RUNX1: variants seen among roughly 807,000 people sequenced by gnomAD.
RUNX1 encodes RUNX family transcription factor 1, also known as runt-related transcription factor 1.
In RUNX1, 19 loss-of-function variants were observed where a neutral mutation model predicts 42.8. That is an observed-to-expected ratio of 0.44 (90% CI 0.31 to 0.65). RUNX1 has a LOEUF of 0.65. Ranked by LOEUF, RUNX1 falls within the 30% of genes least tolerant of loss-of-function variation. The pLI, the probability that RUNX1 is intolerant of heterozygous loss-of-function variation, is 0.07. For missense variants in RUNX1, 528 were observed against 672.0 expected (o/e 0.79, Z 2.37); for synonymous variants, 271 against 289.4 (o/e 0.94, Z 0.64).
intron 6 of RUNX1, among the ~76,000 whole-genome samples, chr21:34,849,383 A>G (rs1287178783): frequency 2.6e-5 from 1 of 39,208 alleles, no homozygotes; most frequent in East Asian, 1.2e-3. Flanking sequence ...CTATATACAT[A>G]GTATATATAA....
chr21:34,792,257 G>T lies in RUNX1; in HGVS notation c.1321C>A (p.Leu441Met), dbSNP rs1356974105. The change falls in exon 9 of 9, where the codon CTG (leucine) becomes ATG (methionine). Residue 441 changes from leucine (L) to methionine (M), a missense_variant. Coordinates refer to ENST00000675419, the MANE Select transcript of RUNX1 (RefSeq NM_001754.5). This position sits in a 1 kb window ranked among gnomAD's most constrained non-coding sequence, Gnocchi z 6.9. ...TGGTTCGGGAGGCTGGGGTTGAGCA[G>T]CGCGGAGCCGGTGGAGGCGTTGGTG... ...PCTNASTGSA[L>M]LNPSLPNQSD... 1 of 1,538,204 alleles carries T rather than the reference G, an allele frequency of 6.5e-7. No homozygotes were observed. The highest frequency in any genetic ancestry group is 1.2e-5 in the South Asian group (1 of 84,086).
At chr21:35,006,326 C>T (rs2059084490) in intron 2 of RUNX1, among the ~76,000 whole-genome samples, 1 of 152,190 alleles carries the variant, frequency 6.6e-6, no homozygotes, top group African/African-American at 2.4e-5. Context: ...AGGAGGCAAA[C>T]TGAACTAAAT....
At chr21:34,796,059 T>C (rs2056523648) in intron 8 of RUNX1, among the ~76,000 whole-genome samples, 1 of 152,230 alleles carries the variant, frequency 6.6e-6, no homozygotes, top group South Asian at 2.1e-4. Flanking sequence ...TACTACATGG[T>C]AATGTGGTGA....
intron 6 of RUNX1, 84 bp from the exon 7 acceptor site, chr21:34,834,685 A>C: frequency 8.1e-7 from 1 of 1,235,856 alleles, no homozygotes; most frequent in Non-Finnish European, 1.2e-6. Flanking sequence ...TGGATTTCCT[A>C]AAACTGGGGC....
At chr21:34,891,246 C>G (rs2058077887) in intron 3 of RUNX1, among the ~76,000 whole-genome samples, 1 of 152,112 alleles carries the variant, frequency 6.6e-6, no homozygotes, top group African/African-American at 2.4e-5. Flanking sequence ...GGGAGCTGCT[C>G]AGCTAGGAGT....
intron 2 of RUNX1, among the ~76,000 whole-genome samples, chr21:34,929,358 T>G (rs1216793126): frequency 6.6e-6 from 1 of 152,184 alleles, no homozygotes; most frequent in Non-Finnish European, 1.5e-5. Flanking sequence ...TTTGATAATT[T>G]GACTCATTAT....
chr21:34,837,078 A>C (rs547147569), intron 6 of RUNX1, among the ~76,000 whole-genome samples: 1 of 152,362 alleles, frequency 6.6e-6, no homozygotes, highest in African/African-American at 2.4e-5. Flanking sequence ...AGCAATTTCT[A>C]TACCAGCTGA....
At chr21:35,016,739 G>T (rs1280225997) in intron 2 of RUNX1, among the ~76,000 whole-genome samples, 1 of 152,018 alleles carries the variant, frequency 6.6e-6, no homozygotes, top group Non-Finnish European at 1.5e-5. Context: ...GGAATGCTGG[G>T]GACCTCTTAG....
At chr21:35,027,317 C>T (rs1011339634) in intron 2 of RUNX1, among the ~76,000 whole-genome samples, 6 of 152,302 alleles carry the variant, frequency 3.9e-5, no homozygotes, top group South Asian at 2.1e-4. Flanking sequence ...AGGCCAATCA[C>T]GGGGCTCTTG....
chr21:34,792,084 C>T lies in RUNX1; in HGVS notation c.*51G>A. 1.7e-6 allele frequency: 2 copies of T among 1,194,848 alleles called. No individual in the cohort carries two copies. Among genetic ancestry groups the T allele is most frequent in the Non-Finnish European group, 2.1e-6 (2 of 930,374 alleles). The allele number at this position is 1,194,848 out of a possible 1,614,324, so 74.0% of individuals were successfully genotyped here. A position where few individuals can be genotyped will look rare whatever the true frequency, so the allele number is the denominator to read the frequency against. ...GTCGCGAACAGGAGGCCCGCGCGCC[C>T]GGAGGCGAAGGCGGCGGCCCGCGGG... On this transcript the variant is annotated 3_prime_UTR_variant, in exon 9 of 9. Coordinates refer to ENST00000675419, the MANE Select transcript of RUNX1 (RefSeq NM_001754.5). This position sits in a 1 kb window ranked among gnomAD's most constrained non-coding sequence, Gnocchi z 6.9.
rs542037507 is a variant in RUNX1, at chr21:34,904,824, G to A, written c.59-11861C>T. On this transcript the variant is annotated intron_variant, in intron 2 of 8. Transcript: ENST00000675419. ...GAGGTTCTGTAATTGTCAACTTCTCGGTTTAGGAAGAACCTCACGTTTTAG... is the reference window on the plus strand; with the variant it reads ...GAGGTTCTGTAATTGTCAACTTCTCAGTTTAGGAAGAACCTCACGTTTTAG... 1.0e-3 allele frequency among the ~76,000 whole-genome samples: 158 copies of A among 152,144 alleles called. 1 individual carries two copies. Among genetic ancestry groups the A allele is most frequent in the African/African-American group, 3.6e-3 (151 of 41,524 alleles).
chr21:35,032,806 G>C (rs2059282087), intron 2 of RUNX1, among the ~76,000 whole-genome samples: 1 of 152,196 alleles, frequency 6.6e-6, no homozygotes, highest in African/African-American at 2.4e-5. Context: ...GAATTAAGGG[G>C]AACCAAGTTT....
intron 2 of RUNX1, among the ~76,000 whole-genome samples, chr21:34,990,103 G>A (rs1477563596): frequency 1.3e-5 from 2 of 152,240 alleles, no homozygotes; most frequent in South Asian, 4.2e-4. Context: ...AAGGCTCTAA[G>A]GTTCTATCTC....
intron 5 of RUNX1, among the ~76,000 whole-genome samples, chr21:34,868,004 C>G (rs879378799): frequency 1.3e-5 from 2 of 152,198 alleles, no homozygotes; most frequent in Non-Finnish European, 2.9e-5. Context: ...CAAGGCCACA[C>G]AGAGCTGCAG....
chr21:34,792,310 C>CGGGGG lies in RUNX1; in HGVS notation c.1267_1268insCCCCC (p.Arg423ProfsTer173). ...GGGCGGCAGGATGCGCGGCGGCGAGCGCTCGCCGCCCACCATGGAGAACTG... is the reference window on the plus strand; with the variant it reads ...GGGCGGCAGGATGCGCGGCGGCGAGCGGGGGGCTCGCCGCCCACCATGGAGAACTG... On this transcript the variant is annotated frameshift_variant, in exon 9 of 9. Transcript: ENST00000675419. LOFTEE classifies it high-confidence loss of function. The surrounding 1 kb of genome is among the most constrained non-coding windows in gnomAD (Gnocchi z 6.9). 1 of 1,531,696 alleles carries CGGGGG rather than the reference C, an allele frequency of 6.5e-7. No individual in the cohort carries two copies. The highest frequency in any genetic ancestry group is 1.4e-5 in the African/African-American group (1 of 72,200). 94.9% of individuals were successfully genotyped at this position (1,531,696 alleles called of 1,614,324 possible). A position where few individuals can be genotyped will look rare whatever the true frequency, so the allele number is the denominator to read the frequency against.
rs568681948 is a variant in RUNX1 at position 34,877,661 on chromosome 21, C to T, written c.508+2896G>A. Among the ~76,000 whole-genome samples the T allele has an allele frequency of 1.8e-4, 27 of 152,302 alleles. No individual in the cohort carries two copies. In the South Asian group the frequency reaches 2.3e-3, roughly 13 times the overall value. ...GTGTAGCCAGCGAGGCCATCAAAGC[C>T]GGACAGGCAGGTTTTCCCAGTTACG... On this transcript the variant is annotated intron_variant, in intron 5 of 8. Coordinates refer to ENST00000675419, the MANE Select transcript of RUNX1 (RefSeq NM_001754.5).
intron 2 of RUNX1, among the ~76,000 whole-genome samples, chr21:34,971,494 A>G (rs2146749019): frequency 6.6e-6 from 1 of 151,220 alleles, no homozygotes; most frequent in African/African-American, 2.4e-5. Flanking sequence ...TACATTTAAA[A>G]TTTTTATCAG....
At chr21:34,964,750 G>T (rs1407219074) in intron 2 of RUNX1, among the ~76,000 whole-genome samples, 1 of 152,168 alleles carries the variant, frequency 6.6e-6, no homozygotes, top group African/African-American at 2.4e-5. Flanking sequence ...TTTGTGACCA[G>T]GTGAATTATG....
At chr21:34,882,450 G>A (rs1266455705) in intron 4 of RUNX1, among the ~76,000 whole-genome samples, 3 of 152,182 alleles carry the variant, frequency 2.0e-5, no homozygotes, top group Non-Finnish European at 4.4e-5. Flanking sequence ...GCCAAACAAG[G>A]TCTGGGCCTT....
Sources: gnomAD v4.1 joint callset for allele counts (sites outside exome capture counted in the v4.1 genomes callset) on GRCh38, gnomAD v4.1.1 for gene constraint, Gnocchi (gnomAD v3.1) non-coding constraint, MANE v1.5 for transcripts, NCBI Gene and HGNC (gene_info 2026-07-23, HGNC 2026-07-21) for gene names.